The following CUBN variants were observed in gnomAD, a reference collection of about 807,000 sequenced individuals.
CUBN encodes the protein 460 kDa receptor.
Under a neutral mutation model 405.3 loss-of-function variants are expected in CUBN, and 282 were observed. That is an observed-to-expected ratio of 0.70 (90% CI 0.63 to 0.77). The LOEUF is 0.77. Ranked by LOEUF, CUBN falls within the 30% of genes least tolerant of loss-of-function variation. The pLI, the probability that CUBN is intolerant of heterozygous loss-of-function variation, is 0.00. For missense variants in CUBN, 4,514 were observed against 4,475.2 expected, an observed-to-expected ratio of 1.01 and a Z score of -0.25; for synonymous variants, 1,684 against 1,617.0, an observed-to-expected ratio of 1.04 and a Z score of -0.99.
chr10:17,049,177 AG>A (rs1835204261), intron 22 of CUBN, among the ~76,000 whole-genome samples: 1 of 152,230 alleles, frequency 6.6e-6, no homozygotes, highest in African/African-American at 2.4e-5. Flanking sequence ...GGATAAAGAG[AG>A]CGGGGAGGAG....
intron 29 of CUBN, among the ~76,000 whole-genome samples, chr10:16,988,850 A>G (rs1007747615): frequency 1.3e-5 from 2 of 152,170 alleles, no homozygotes; most frequent in African/African-American, 4.8e-5. Flanking sequence ...GGAAAAGCCC[A>G]TTAATCTTTT....
At position 16,854,932 on chromosome 10, in the gene CUBN, T is replaced by TCCTCCCTC. The variant is rs1225822398; in HGVS notation, c.9455-3497_9455-3490dup. Among the ~76,000 whole-genome samples, 31 of 150,802 alleles carry TCCTCCCTC rather than the reference T, an allele frequency of 2.1e-4. No individual in the cohort carries two copies. In the South Asian group the frequency reaches 4.9e-3, roughly 24 times the overall value. On this transcript the variant is annotated intron_variant, in intron 59 of 66. Coordinates refer to ENST00000377833, the MANE Select transcript of CUBN (RefSeq NM_001081.4). ...TCCTTTCCTTCCTTCCTTCCTTCCT[T>TCCTCCCTC]CCTCCCTCCCTCCCTCCCTTCCTCT...
intron 27 of CUBN, among the ~76,000 whole-genome samples, chr10:17,029,811 G>A (rs932228068): frequency 6.6e-6 from 1 of 152,202 alleles, no homozygotes. Context: ...TCGCCAACTG[G>A]AAAACAGGAT....
At chr10:16,946,934 T>C (rs1006463114) in intron 36 of CUBN, among the ~76,000 whole-genome samples, 1 of 152,104 alleles carries the variant, frequency 6.6e-6, no homozygotes, top group Non-Finnish European at 1.5e-5. Flanking sequence ...AGAACCTTAA[T>C]GTGTCTAATT....
chr10:17,104,306 T>G, intron 12 of CUBN, 113 bp downstream of exon 12: 1 of 866,866 alleles, frequency 1.2e-6, no homozygotes, highest in Non-Finnish European at 1.9e-6. Context: ...GTTCTCAGTA[T>G]CTGAGCAACT....
intron 58 of CUBN, among the ~76,000 whole-genome samples, chr10:16,870,702 T>G (rs1457838439): frequency 6.6e-6 from 1 of 152,232 alleles, no homozygotes; most frequent in African/African-American, 2.4e-5. Context: ...TGAGCAGAGC[T>G]TCCATGCCAG....
At chr10:16,860,157 A>G (rs2131351767) in intron 59 of CUBN, among the ~76,000 whole-genome samples, 1 of 152,298 alleles carries the variant, frequency 6.6e-6, no homozygotes, top group African/African-American at 2.4e-5. Context: ...CAAACAAAAC[A>G]CAAATAGTAC....
At chr10:17,125,539 CTCAT>C (rs1356482068) in intron 4 of CUBN, among the ~76,000 whole-genome samples, 1 of 152,190 alleles carries the variant, frequency 6.6e-6, no homozygotes, top group East Asian at 1.9e-4. Context: ...TAACCACAAA[CTCAT>C]TCAAAGGTTT....
intron 59 of CUBN, among the ~76,000 whole-genome samples, chr10:16,853,827 G>A (rs1028383217): frequency 1.2e-4 from 19 of 152,130 alleles, no homozygotes; most frequent in Admixed American, 1.2e-3. Flanking sequence ...TGTTACTTAA[G>A]GAAACCACTT....
Position 16,939,132 on chromosome 10 carries a change from T to C in CUBN, c.5564A>G (p.Asn1855Ser). Residue 1855 changes from asparagine (N) to serine (S), a missense_variant, in exon 38 of 67, where the codon AAT (asparagine) becomes AGT (serine). This residue lies in a region of CUBN where 1,613 missense variants were observed against 1,542.8 expected (regional missense o/e 1.05). Coordinates refer to ENST00000377833, the MANE Select transcript of CUBN (RefSeq NM_001081.4). ...GACTTTCCCATGAGTTCCCACAATA[T>C]TATCATTGCCAAATACTAGGAGGGA... is the stretch of plus-strand genomic sequence containing the variant. ...ATFMKIFGND[N>S]IVGTHGKVAS... is the part of the protein sequence containing the mutation. The C allele has an allele frequency of 6.2e-7, 1 of 1,613,652 alleles. No homozygotes were observed. The highest frequency in any genetic ancestry group is 8.5e-7 in the Non-Finnish European group (1 of 1,179,576).
chr10:16,946,340 T>A (rs1842781126), intron 36 of CUBN, among the ~76,000 whole-genome samples: 1 of 152,186 alleles, frequency 6.6e-6, no homozygotes, highest in Non-Finnish European at 1.5e-5. Context: ...CCACTCAGAA[T>A]GTGATAGGAT....
rs2131292850 is a variant in CUBN, at chr10:16,824,826, A to G, written c.*149T>C. 2.9e-6 allele frequency: 2 copies of G among 700,816 alleles called. No individual in the cohort carries two copies. The highest frequency in any genetic ancestry group is 3.0e-5 in the South Asian group (2 of 67,000). 43.4% of individuals were successfully genotyped at this position (700,816 alleles called of 1,614,324 possible). ...GGTGAGCCACCACGCCTGGCCTACA[A>G]ATATTGATTCTATCCATGGTTTGGT... On this transcript the variant is annotated 3_prime_UTR_variant, in exon 67 of 67. Transcript: ENST00000377833.
At chr10:16,938,648 CAT>C (rs772293168) in intron 38 of CUBN, among the ~76,000 whole-genome samples, 6 of 151,830 alleles carry the variant, frequency 4.0e-5, no homozygotes, top group Non-Finnish European at 8.8e-5. Context: ...AATACTCTAA[CAT>C]AAAAACAAAG....
chr10:16,934,607 T>G (rs540318406), intron 39 of CUBN, among the ~76,000 whole-genome samples: 1 of 152,232 alleles, frequency 6.6e-6, no homozygotes, highest in Admixed American at 6.5e-5. Flanking sequence ...GGGTCATTAG[T>G]GCTGTTTGCC....
At chr10:16,916,063 A>C (rs750423873) in intron 45 of CUBN, 33 bp from the exon 46 acceptor site, 3 of 1,586,736 alleles carry the variant, frequency 1.9e-6, no homozygotes, top group African/African-American at 2.7e-5. Context: ...AATAAATAAG[A>C]AAGCAAGCAA....
chr10:16,997,122 T>C lies in CUBN; in HGVS notation c.4169-6607A>G, dbSNP rs180684439. 7.2e-5 allele frequency among the ~76,000 whole-genome samples: 11 copies of C among 152,350 alleles called. No individual in the cohort carries two copies. The East Asian group carries it at 2.1e-3, about 29-fold the overall frequency. On this transcript the variant is annotated intron_variant, in intron 28 of 66. Coordinates refer to ENST00000377833, the MANE Select transcript of CUBN (RefSeq NM_001081.4). The stretch of plus-strand genomic sequence containing the variant: ...AGATGTGCTTCATTGGCAAGGCCAG[T>C]TTGCCTTCATTGTGTAAAAAGGCGG...
chr10:17,030,300 C>G (rs1834761479), intron 27 of CUBN, among the ~76,000 whole-genome samples: 1 of 144,078 alleles, frequency 6.9e-6, no homozygotes, highest in African/African-American at 2.5e-5. Flanking sequence ...CACCCCCGGT[C>G]CGTGGAAAAA....
chr10:17,096,268 C>G (rs4748349), intron 14 of CUBN, among the ~76,000 whole-genome samples: 117,553 of 151,950 alleles, frequency 0.77, 46,866 homozygotes, highest in Non-Finnish European at 0.9. Flanking sequence ...AAACTGCTGA[C>G]AGTAGATCTT....
intron 17 of CUBN, among the ~76,000 whole-genome samples, chr10:17,074,722 C>T (rs1465976777): frequency 6.6e-6 from 1 of 152,148 alleles, no homozygotes; most frequent in Non-Finnish European, 1.5e-5. Flanking sequence ...CAATCAACTG[C>T]TTTATTTTGT....
Sources: allele counts gnomAD v4.1 joint callset (sites outside exome capture counted in the v4.1 genomes callset), GRCh38; gene constraint gnomAD v4.1.1; regional missense constraint gnomAD v4.1.1; transcripts MANE v1.5; gene names NCBI Gene and HGNC (gene_info 2026-07-23, HGNC 2026-07-21).